Variants in CNTNAP5 observed in about 807,000 individuals in gnomAD.
CNTNAP5 encodes contactin-associated protein-like 5.
In CNTNAP5, 72 loss-of-function variants were observed where a neutral mutation model predicts 150.2. That is an observed-to-expected ratio of 0.48 (90% CI 0.40 to 0.58). CNTNAP5 has a LOEUF of 0.58. CNTNAP5 is among the 20% of genes least tolerant of loss of function. The pLI is 0.00. For missense variants in CNTNAP5, 1,636 were observed against 1,626.2 expected (o/e 1.01, Z -0.10); for synonymous variants, 672 against 619.8 (o/e 1.08, Z -1.25).
chr2:124,072,665 A>G (rs1258054319), intron 1 of CNTNAP5, among the ~76,000 whole-genome samples: 1 of 151,878 alleles, frequency 6.6e-6, no homozygotes, highest in Non-Finnish European at 1.5e-5. Context: ...CAACCAGAAA[A>G]TGAAAAATCT....
chr2:124,460,730 C>T (rs1359460617), intron 6 of CNTNAP5, among the ~76,000 whole-genome samples: 1 of 152,188 alleles, frequency 6.6e-6, no homozygotes, highest in East Asian at 1.9e-4. Flanking sequence ...TCAGAGGCCA[C>T]CCCTTGCTGC....
At chr2:124,834,705 G>C (rs1273881313) in intron 19 of CNTNAP5, among the ~76,000 whole-genome samples, 1 of 151,640 alleles carries the variant, frequency 6.6e-6, no homozygotes, top group African/African-American at 2.4e-5. Flanking sequence ...TGGCACTGAG[G>C]GTGCTGCTTA....
intron 13 of CNTNAP5, among the ~76,000 whole-genome samples, chr2:124,696,672 C>T (rs555118000): frequency 3.3e-5 from 5 of 152,256 alleles, no homozygotes; most frequent in East Asian, 3.9e-4. Flanking sequence ...GAACTCAGGG[C>T]GACTTGCCTT....
intron 1 of CNTNAP5, among the ~76,000 whole-genome samples, chr2:124,127,761 C>T (rs1291800929): frequency 1.3e-5 from 2 of 152,130 alleles, no homozygotes; most frequent in South Asian, 2.1e-4. Context: ...TACCACACAC[C>T]TACAACCATT....
At position 124,915,143 on chromosome 2, in the gene CNTNAP5, TAC is replaced by T. The variant is rs539388740; in HGVS notation, c.*869_*870del. On this transcript the variant is annotated 3_prime_UTR_variant, in exon 24 of 24. Transcript: ENST00000682447. Reference sequence around the variant, plus strand: ...ATTATTATACTGAGATATATATATATACACACACACACACATATGTGTATATA... The same window carrying T: ...ATTATTATACTGAGATATATATATATACACACACACACATATGTGTATATA... 88 of 164,206 alleles carry T rather than the reference TAC, an allele frequency of 5.4e-4. No homozygotes were observed. Among genetic ancestry groups the T allele is most frequent in the Non-Finnish European group, 7.2e-4 (49 of 67,624 alleles). The allele number at this position is 164,206 out of a possible 1,614,324, so 10.2% of individuals were successfully genotyped here.
intron 13 of CNTNAP5, among the ~76,000 whole-genome samples, chr2:124,699,853 A>T (rs796860739): frequency 6.7e-6 from 1 of 149,414 alleles, no homozygotes; most frequent in African/African-American, 2.5e-5. Flanking sequence ...CTCTTCTTAG[A>T]TATAATTCAT....
At chr2:124,253,971 T>C (rs540366454) in intron 3 of CNTNAP5, among the ~76,000 whole-genome samples, 104 of 152,218 alleles carry the variant, frequency 6.8e-4, no homozygotes, top group Non-Finnish European at 1.3e-3. Context: ...ATTTGGAGCA[T>C]GAACTTTGGA....
At chr2:124,030,107 G>A (rs1048699419) in intron 1 of CNTNAP5, among the ~76,000 whole-genome samples, 28 of 152,170 alleles carry the variant, frequency 1.8e-4, no homozygotes, top group African/African-American at 5.5e-4. Context: ...TGTATGCAAC[G>A]AAGAAAATGG....
At chr2:124,194,412 A>ATAT (rs1685534313) in intron 1 of CNTNAP5, among the ~76,000 whole-genome samples, 6 of 7,076 alleles carry the variant, frequency 8.5e-4, no homozygotes, top group Non-Finnish European at 1.8e-3. Flanking sequence ...TATATATATA[A>ATAT]ATATAAATAG....
At chr2:124,254,283 T>C (rs1024714016) in intron 3 of CNTNAP5, among the ~76,000 whole-genome samples, 1 of 152,186 alleles carries the variant, frequency 6.6e-6, no homozygotes, top group Admixed American at 6.5e-5. Context: ...CCCTCAAATG[T>C]AAATGTATCT....
chr2:124,719,082 A>T (rs1467364818), intron 13 of CNTNAP5, among the ~76,000 whole-genome samples: 2 of 152,194 alleles, frequency 1.3e-5, no homozygotes, highest in African/African-American at 2.4e-5. Context: ...GTGCCTTGTC[A>T]TGGATCAAAG....
chr2:124,439,316 G>A (rs1490339416), intron 5 of CNTNAP5, among the ~76,000 whole-genome samples: 2 of 152,170 alleles, frequency 1.3e-5, no homozygotes, highest in Non-Finnish European at 2.9e-5. Flanking sequence ...ACTGAATTCT[G>A]CACTGGGGGT....
intron 12 of CNTNAP5, among the ~76,000 whole-genome samples, chr2:124,638,063 CAT>C (rs779527787): frequency 6.6e-6 from 1 of 151,172 alleles, no homozygotes; most frequent in Non-Finnish European, 1.5e-5. Flanking sequence ...TGTGTGTGTG[CAT>C]GTGTGTGTGT....
intron 13 of CNTNAP5, among the ~76,000 whole-genome samples, chr2:124,665,672 G>T (rs1272226679): frequency 6.6e-6 from 1 of 152,060 alleles, no homozygotes; most frequent in Non-Finnish European, 1.5e-5. Flanking sequence ...AGATCACAAG[G>T]TCAGGAGATC....
chr2:124,883,081 T>A (rs1433490143), intron 21 of CNTNAP5, among the ~76,000 whole-genome samples: 1 of 151,470 alleles, frequency 6.6e-6, no homozygotes, highest in African/African-American at 2.4e-5. Flanking sequence ...TTTTTTTTTT[T>A]TTTTTTTGAG....
At chr2:124,473,475 C>T (rs1693566757) in intron 6 of CNTNAP5, among the ~76,000 whole-genome samples, 1 of 151,974 alleles carries the variant, frequency 6.6e-6, no homozygotes, top group Non-Finnish European at 1.5e-5. Context: ...TAATACTCTT[C>T]ACCTATTACA....
At chr2:124,717,883 G>A (rs1679976446) in intron 13 of CNTNAP5, among the ~76,000 whole-genome samples, 5 of 152,074 alleles carry the variant, frequency 3.3e-5, no homozygotes, top group Non-Finnish European at 7.4e-5. Context: ...AATGTTCAAA[G>A]GAGTCAATAA....
At chr2:124,308,596 C>T (rs981163318) in intron 3 of CNTNAP5, among the ~76,000 whole-genome samples, 14 of 152,162 alleles carry the variant, frequency 9.2e-5, no homozygotes, top group Non-Finnish European at 8.8e-5. Flanking sequence ...AGCACATAAT[C>T]AGTTTGTTTG....
chr2:124,894,390 T>G (rs1402922392), intron 21 of CNTNAP5, among the ~76,000 whole-genome samples: 1 of 151,400 alleles, frequency 6.6e-6, no homozygotes, highest in Non-Finnish European at 1.5e-5. Flanking sequence ...TTTAATAAAG[T>G]AAACAACATA....
Sources: gnomAD v4.1 joint callset for allele counts (sites outside exome capture counted in the v4.1 genomes callset) on GRCh38, gnomAD v4.1.1 for gene constraint, MANE v1.5 for transcripts, NCBI Gene and HGNC (gene_info 2026-07-23, HGNC 2026-07-21) for gene names.